TRAPPC6A: variants seen among roughly 807,000 people sequenced by gnomAD.
TRAPPC6A encodes the protein trafficking protein particle complex subunit 6A.
In TRAPPC6A, 25 loss-of-function variants were observed where a neutral mutation model predicts 20.8. The ratio of observed to expected loss-of-function variants is 1.20; its 90% CI spans 0.88 to 1.68. TRAPPC6A has a LOEUF of 1.68. TRAPPC6A is among the 40% of genes most tolerant of loss of function. The pLI, the probability that TRAPPC6A is intolerant of heterozygous loss-of-function variation, is 0.00. For synonymous variants in TRAPPC6A, 96 were observed against 93.3 expected (o/e 1.03, Z -0.16); for missense variants, 215 against 211.6 (o/e 1.02, Z -0.10).
At chr19:45,167,401 T>C (rs999256179) in intron 1 of TRAPPC6A, among the ~76,000 whole-genome samples, 5 of 152,192 alleles carry the variant, frequency 3.3e-5, no homozygotes, top group Non-Finnish European at 7.3e-5. Flanking sequence ...ATGAAAACAC[T>C]TGAAATATTA....
chr19:45,176,369 C>T lies in TRAPPC6A; in HGVS notation c.84+1766G>A, dbSNP rs372469102. ...GTCCCAACTACTCAGGAGGCTGCGG[C>T]GGGAGAATTGCGTGAACCCAGGAGG... On this transcript the variant is annotated intron_variant, in intron 1 of 5. Transcript: ENST00000585934. Among the ~76,000 whole-genome samples the T allele has an allele frequency of 4.0e-5, 6 of 151,774 alleles. No homozygotes were observed. In the East Asian group the frequency reaches 1.2e-3, roughly 29 times the overall value.
At chr19:45,167,213 T>A (rs1265778472) in intron 1 of TRAPPC6A, among the ~76,000 whole-genome samples, 1 of 152,066 alleles carries the variant, frequency 6.6e-6, no homozygotes, top group African/African-American at 2.4e-5. Flanking sequence ...ACAACGTGCA[T>A]CAACAAAGGA....
At chr19:45,174,785 T>C (rs891304758) in intron 1 of TRAPPC6A, among the ~76,000 whole-genome samples, 1 of 151,656 alleles carries the variant, frequency 6.6e-6, no homozygotes, top group Non-Finnish European at 1.5e-5. Context: ...ACTATGATCA[T>C]GCTACTGCAC....
chr19:45,165,297 G>A (rs1969127881), intron 1 of TRAPPC6A, 103 bp from the exon 2 acceptor site: 4 of 1,125,580 alleles, frequency 3.6e-6, no homozygotes, highest in South Asian at 1.3e-5. Flanking sequence ...ACTTGCTGGT[G>A]CTCGTCAGTT....
At position 45,163,510 on chromosome 19, in the gene TRAPPC6A, C is replaced by G. The variant is rs746701780; in HGVS notation, c.449-287G>C. On this transcript the variant is annotated intron_variant, in intron 5 of 5. Transcript: ENST00000585934. This position sits in a 1 kb window ranked among gnomAD's most constrained non-coding sequence, Gnocchi z 5.3. ...GCCCCCATGAGTGGGCCTGGGGAAC[C>G]GGCAGAGGCAAAATAACTGAAGGTG... is the stretch of plus-strand genomic sequence containing the variant. Among the ~76,000 whole-genome samples the G allele has an allele frequency of 6.6e-6, 1 of 151,946 alleles. No homozygotes were observed. The highest frequency in any genetic ancestry group is 1.5e-5 in the Non-Finnish European group (1 of 67,960).
At chr19:45,164,310 T>A in intron 3 of TRAPPC6A, 63 bp from the exon 4 acceptor site, 21 of 1,008,202 alleles carry the variant, frequency 2.1e-5, no homozygotes, top group Non-Finnish European at 2.9e-5. Context: ...GCAGGGAGGG[T>A]AAGCAGGAAC....
chr19:45,174,564 T>G (rs988913751), intron 1 of TRAPPC6A, among the ~76,000 whole-genome samples: 6 of 152,070 alleles, frequency 3.9e-5, no homozygotes, highest in African/African-American at 7.2e-5. Context: ...GGCTCACACC[T>G]GTAATCCCAG....
intron 1 of TRAPPC6A, among the ~76,000 whole-genome samples, chr19:45,170,187 A>G (rs1969240434): frequency 1.3e-5 from 2 of 152,206 alleles, no homozygotes; most frequent in Non-Finnish European, 2.9e-5. Flanking sequence ...CCTGCAGGCA[A>G]GTGCAGCCAA....
chr19:45,172,279 A>G lies in TRAPPC6A; in HGVS notation c.84+5856T>C, dbSNP rs1160310429. ...GTGGGAAAGGCGGCCTGTGCTACCC[A>G]GAAGCCCTGGGGCCAGAAGCCTGAG... On this transcript the variant is annotated intron_variant, in intron 1 of 5. Transcript: ENST00000585934. The surrounding 1 kb of genome is among the most constrained non-coding windows in gnomAD (Gnocchi z 4.2). 1.3e-5 allele frequency among the ~76,000 whole-genome samples: 2 copies of G among 151,794 alleles called. No individual in the cohort carries two copies. The highest frequency in any genetic ancestry group is 4.9e-5 in the African/African-American group (2 of 41,056).
At chr19:45,168,210 A>C (rs1969199741) in intron 1 of TRAPPC6A, among the ~76,000 whole-genome samples, 3 of 151,810 alleles carry the variant, frequency 2.0e-5, no homozygotes, top group Admixed American at 2.0e-4. Flanking sequence ...TCACCATGTT[A>C]GCCAGGATGG....
intron 1 of TRAPPC6A, among the ~76,000 whole-genome samples, chr19:45,176,136 G>A (rs1878012383): frequency 6.6e-6 from 1 of 151,968 alleles, no homozygotes; most frequent in African/African-American, 2.4e-5. Context: ...GGTAGTATAG[G>A]CATGTGTCAT....
At position 45,172,844 on chromosome 19, in the gene TRAPPC6A, C is replaced by T. The variant is rs1409671873; in HGVS notation, c.84+5291G>A. Among the ~76,000 whole-genome samples the T allele has an allele frequency of 6.6e-6, 1 of 151,720 alleles. No individual in the cohort carries two copies. Among genetic ancestry groups the T allele is most frequent in the Non-Finnish European group, 1.5e-5 (1 of 68,038 alleles). On this transcript the variant is annotated intron_variant, in intron 1 of 5. Coordinates refer to ENST00000585934, the MANE Select transcript of TRAPPC6A (RefSeq NM_001270891.2). This position sits in a 1 kb window ranked among gnomAD's most constrained non-coding sequence, Gnocchi z 4.2. ...GACATTTCTAGAATGTAAATCTGAGCCAGGCGCACCTCAGTTTAAACCCGG... is the reference window on the plus strand; with the variant it reads ...GACATTTCTAGAATGTAAATCTGAGTCAGGCGCACCTCAGTTTAAACCCGG...
chr19:45,169,551 TC>T (rs1422307273), intron 1 of TRAPPC6A, among the ~76,000 whole-genome samples: 1 of 152,222 alleles, frequency 6.6e-6, no homozygotes, highest in Non-Finnish European at 1.5e-5. Context: ...TCAAGGCAGT[TC>T]CGGGAGCCTT....
chr19:45,173,343 G>C lies in TRAPPC6A; in HGVS notation c.84+4792C>G, dbSNP rs1454595041. On this transcript the variant is annotated intron_variant, in intron 1 of 5. Transcript: ENST00000585934. The surrounding 1 kb of genome is among the most constrained non-coding windows in gnomAD (Gnocchi z 4.8). ...AACCACCGTACCAGGCAGGATAGGA[G>C]GTCACAAAAGCCCTACACACTGGCT... is the stretch of plus-strand genomic sequence containing the variant. Among the ~76,000 whole-genome samples the C allele has an allele frequency of 1.3e-5, 2 of 151,842 alleles. No individual in the cohort carries two copies. Among genetic ancestry groups the C allele is most frequent in the Non-Finnish European group, 2.9e-5 (2 of 67,978 alleles).
chr19:45,177,554 C>G (rs1053868348), intron 1 of TRAPPC6A, among the ~76,000 whole-genome samples: 1 of 152,060 alleles, frequency 6.6e-6, no homozygotes, highest in African/African-American at 2.4e-5. Context: ...GTCTTGAACT[C>G]CTGACCTCAG....
Position 45,163,986 on chromosome 19 carries a change from G to C in TRAPPC6A, c.378C>G (p.Leu126=). 6.3e-7 allele frequency: 1 copy of C among 1,576,498 alleles called. No homozygotes were observed. The highest frequency in any genetic ancestry group is 1.2e-5 in the South Asian group (1 of 85,808). ...APKFLAFTCG[L]LRGALYTLGI... The stretch of plus-strand genomic sequence containing the variant: ...CCAGGGTATAGAGGGCGCCGCGCAG[G>C]AGGCCGCAGGTGAAGGCCAGGAACT... The change falls in exon 5 of 6, where the codon CTC becomes CTG. Residue 126 remains leucine, a synonymous_variant. Coordinates refer to ENST00000585934, the MANE Select transcript of TRAPPC6A (RefSeq NM_001270891.2). This position sits in a 1 kb window ranked among gnomAD's most constrained non-coding sequence, Gnocchi z 5.3.
chr19:45,168,606 C>T (rs1303551475), intron 1 of TRAPPC6A, among the ~76,000 whole-genome samples: 1 of 152,194 alleles, frequency 6.6e-6, no homozygotes, highest in Non-Finnish European at 1.5e-5. Context: ...ACAATGGTCC[C>T]GGGAATCATT....
chr19:45,166,199 A>G (rs1399698816), intron 1 of TRAPPC6A, among the ~76,000 whole-genome samples: 1 of 150,816 alleles, frequency 6.6e-6, no homozygotes, highest in African/African-American at 2.4e-5. Flanking sequence ...GGCGTGAGCC[A>G]CCGCGCCTGG....
rs990592290 is a variant in TRAPPC6A at position 45,163,748 on chromosome 19, G to A, written c.448+168C>T. Among the ~76,000 whole-genome samples, 1 of 152,122 alleles carries A rather than the reference G, an allele frequency of 6.6e-6. No homozygotes were observed. The highest frequency in any genetic ancestry group is 1.5e-5 in the Non-Finnish European group (1 of 68,002). On this transcript the variant is annotated intron_variant, in intron 5 of 5. Coordinates refer to ENST00000585934, the MANE Select transcript of TRAPPC6A (RefSeq NM_001270891.2). The surrounding 1 kb of genome is among the most constrained non-coding windows in gnomAD (Gnocchi z 5.3). ...AGACAGTTCTCTCTGCAGGGCTGGC[G>A]ACGTCACGGAGCCAGGGGCACAGAT... is the stretch of plus-strand genomic sequence containing the variant.
Sources: gnomAD v4.1 joint callset for allele counts (sites outside exome capture counted in the v4.1 genomes callset) on GRCh38, gnomAD v4.1.1 for gene constraint, Gnocchi (gnomAD v3.1) non-coding constraint, MANE v1.5 for transcripts, NCBI Gene and HGNC (gene_info 2026-07-23, HGNC 2026-07-21) for gene names.